The following PDE3A variants were observed in gnomAD, a reference collection of about 807,000 sequenced individuals.
The protein encoded by PDE3A is cGMP-inhibited 3',5'-cyclic phosphodiesterase 3A.
PDE3A carries 43 observed loss-of-function variants against 98.3 expected under a neutral mutation model. The ratio of observed to expected loss-of-function variants is 0.44; its 90% confidence interval spans 0.34 to 0.56. The LOEUF (loss-of-function observed/expected upper bound fraction) is 0.56. PDE3A is among the 20% of genes least tolerant of loss of function. The pLI, the probability that PDE3A is intolerant of heterozygous loss-of-function variation, is 0.01. For synonymous variants in PDE3A, 663 were observed against 567.9 expected (o/e 1.17, Z -2.38); for missense variants, 1,427 against 1,440.7 (o/e 0.99, Z 0.15).
chr12:20,511,345 A>C (rs1006239787), intron 1 of PDE3A, among the ~76,000 whole-genome samples: 3 of 151,912 alleles, frequency 2.0e-5, no homozygotes, highest in African/African-American at 7.3e-5. Context: ...GGCTTAATCT[A>C]GGGCTGGTTC....
Position 20,429,246 on chromosome 12 carries a change from A to G in PDE3A, c.960+59002A>G, listed in dbSNP as rs533756563. Among the ~76,000 whole-genome samples the G allele has an allele frequency of 6.7e-4, 102 of 152,316 alleles. 1 individual carries two copies. Among genetic ancestry groups the G allele is most frequent in the South Asian group, 6.2e-3 (30 of 4,828 alleles). The stretch of plus-strand genomic sequence containing the variant: ...CCTCAATCCTGTAAAGTTGACATCT[A>G]CAATTAAGCCCATACGTTCTAGTGA... On this transcript the variant is annotated intron_variant, in intron 1 of 15. Transcript: ENST00000359062.
rs539055758 is a variant in PDE3A at position 20,611,075 on chromosome 12, G to A, written c.1012-2368G>A. On this transcript the variant is annotated intron_variant, in intron 2 of 15. Coordinates refer to ENST00000359062, the MANE Select transcript of PDE3A (RefSeq NM_000921.5). ...TTGTCACAAAAATACTATGCAAGACGCTAGATAATGTTAACCTGTCTCACT... is the reference window on the plus strand; with the variant it reads ...TTGTCACAAAAATACTATGCAAGACACTAGATAATGTTAACCTGTCTCACT... Among the ~76,000 whole-genome samples the A allele has an allele frequency of 3.9e-5, 6 of 151,934 alleles. No individual in the cohort carries two copies. In the South Asian group the frequency reaches 8.3e-4, roughly 21 times the overall value.
intron 1 of PDE3A, among the ~76,000 whole-genome samples, chr12:20,390,901 C>G (rs769101237): frequency 3.5e-4 from 53 of 151,984 alleles, no homozygotes; most frequent in Middle Eastern, 6.8e-3. Context: ...GACTATCACC[C>G]TATTTAAGAT....
chr12:20,437,532 A>C lies in PDE3A; in HGVS notation c.960+67288A>C, dbSNP rs1944798132. ...CTGCTCAGCTTCTGGGGAGGCCTCC[A>C]GGAGTTTTTACTCATGGCAGAAGGG... On this transcript the variant is annotated intron_variant, in intron 1 of 15. Transcript: ENST00000359062. Among the ~76,000 whole-genome samples, 4 of 152,302 alleles carry C rather than the reference A, an allele frequency of 2.6e-5. No individual in the cohort carries two copies. In the South Asian group the frequency reaches 8.3e-4, roughly 32 times the overall value.
chr12:20,613,614 G>A lies in PDE3A; in HGVS notation c.1183G>A (p.Val395Met), dbSNP rs1943923680. Reference protein sequence around the residue: ...LTFQAIHKPRVNPVTSLSENY... With the variant: ...LTFQAIHKPRMNPVTSLSENY... The stretch of plus-strand genomic sequence containing the variant: ...CTTCCAGGCCATTCACAAGCCCAGA[G>A]TGAATCCCGTCACTTCGCTCAGTGA... The change falls in exon 3 of 16, where the codon GTG (valine) becomes ATG (methionine). Residue 395 changes from valine to methionine, a missense_variant. Physicochemically the swap from Val to Met is conservative, Grantham distance 21 (BLOSUM62 1). Around this residue, in one of 3 missense-constraint regions of PDE3A, gnomAD observed 1,012 missense variants for 886.5 expected, o/e 1.14. Coordinates refer to ENST00000359062, the MANE Select transcript of PDE3A (RefSeq NM_000921.5). 2 of 1,613,778 alleles carry A rather than the reference G, an allele frequency of 1.2e-6. No homozygotes were observed. Among genetic ancestry groups the A allele is most frequent in the Non-Finnish European group, 1.7e-6 (2 of 1,179,790 alleles).
At chr12:20,515,647 A>T (rs1946305866) in intron 1 of PDE3A, among the ~76,000 whole-genome samples, 1 of 152,192 alleles carries the variant, frequency 6.6e-6, no homozygotes, top group African/African-American at 2.4e-5. Flanking sequence ...CAGAAATCCG[A>T]AGCAGACTAG....
intron 1 of PDE3A, among the ~76,000 whole-genome samples, chr12:20,551,172 T>C (rs1942187951): frequency 6.6e-6 from 1 of 152,026 alleles, no homozygotes; most frequent in African/African-American, 2.4e-5. Flanking sequence ...TTACTTCCAA[T>C]AAAGTTAAAT....
At chr12:20,410,413 C>T (rs1241510249) in intron 1 of PDE3A, among the ~76,000 whole-genome samples, 3 of 152,148 alleles carry the variant, frequency 2.0e-5, no homozygotes, top group African/African-American at 7.2e-5. Flanking sequence ...GAAAATGAAA[C>T]ATAATTTCTG....
At position 20,369,212 on chromosome 12, in the gene PDE3A, C is replaced by T. The variant is rs551382133; in HGVS notation, c.-73C>T. On this transcript the variant is annotated 5_prime_UTR_variant, in exon 1 of 16. Transcript: ENST00000359062. ...GTGCGTGTGTGTGTGTGTGTGTGTG[C>T]GCGCGCGCGCGTGGGTCGGGGCGGG... is the stretch of plus-strand genomic sequence containing the variant. 0.02 allele frequency: 11,890 copies of T among 592,106 alleles called. 30 individuals are homozygous for T. The highest frequency in any genetic ancestry group is 0.024 in the Non-Finnish European group (9,497 of 396,408). 36.7% of individuals were successfully genotyped at this position (592,106 alleles called of 1,614,324 possible). A position where few individuals can be genotyped will look rare whatever the true frequency, so the allele number is the denominator to read the frequency against.
chr12:20,405,413 T>C (rs1406898862), intron 1 of PDE3A, among the ~76,000 whole-genome samples: 3 of 152,124 alleles, frequency 2.0e-5, no homozygotes, highest in Non-Finnish European at 4.4e-5. Context: ...TCATCTTTCA[T>C]TCCCCATTTC....
chr12:20,601,596 CTAATA>C (rs1046496431), intron 2 of PDE3A, among the ~76,000 whole-genome samples: 2 of 152,114 alleles, frequency 1.3e-5, no homozygotes, highest in Non-Finnish European at 2.9e-5. Context: ...AGTCACGTTT[CTAATA>C]TGTCTTATAA....
intron 1 of PDE3A, among the ~76,000 whole-genome samples, chr12:20,414,831 T>G (rs1032878261): frequency 3.3e-5 from 5 of 152,158 alleles, no homozygotes; most frequent in African/African-American, 1.2e-4. Flanking sequence ...TTTCTCATGG[T>G]GTAAACTGAG....
At chr12:20,471,942 C>A (rs191913287) in intron 1 of PDE3A, among the ~76,000 whole-genome samples, 1 of 152,068 alleles carries the variant, frequency 6.6e-6, no homozygotes, top group Non-Finnish European at 1.5e-5. Context: ...GGCATTGACG[C>A]GATTGGTCAG....
intron 1 of PDE3A, among the ~76,000 whole-genome samples, chr12:20,374,800 C>T (rs1349874287): frequency 1.3e-5 from 2 of 151,970 alleles, no homozygotes; most frequent in African/African-American, 2.4e-5. Context: ...TCAATGTTGA[C>T]TTCATTGAAA....
chr12:20,505,313 A>G (rs545408572), intron 1 of PDE3A, among the ~76,000 whole-genome samples: 43 of 152,136 alleles, frequency 2.8e-4, no homozygotes, highest in African/African-American at 9.2e-4. Context: ...TAACTTTGCA[A>G]TCTCTTATGA....
chr12:20,624,867 G>A (rs1944223138), intron 5 of PDE3A, among the ~76,000 whole-genome samples: 1 of 152,172 alleles, frequency 6.6e-6, no homozygotes, highest in African/African-American at 2.4e-5. Context: ...GCAGTTGACT[G>A]TGATGCATCC....
At chr12:20,600,204 A>G (rs1393589665) in intron 2 of PDE3A, among the ~76,000 whole-genome samples, 1 of 152,212 alleles carries the variant, frequency 6.6e-6, no homozygotes, top group Non-Finnish European at 1.5e-5. Context: ...GCCCAAATGT[A>G]TATTTCCAGT....
Position 20,629,873 on chromosome 12 carries a change from A to G in PDE3A, c.1541-35A>G, listed in dbSNP as rs746901382. The G allele has an allele frequency of 2.0e-6, 3 of 1,516,388 alleles. No homozygotes were observed. In the African/African-American group the frequency reaches 4.1e-5, roughly 21 times the overall value. The allele number at this position is 1,516,388 out of a possible 1,614,324, so 93.9% of individuals were successfully genotyped here. A position where few individuals can be genotyped will look rare whatever the true frequency, so the allele number is the denominator to read the frequency against. ...AGTTGCAATTTTGCATTTTAAAGAC[A>G]TTTGTTTAGTTACTTAACTCTCATT... On this transcript the variant is annotated intron_variant, in intron 5 of 15. Transcript: ENST00000359062.
intron 12 of PDE3A, among the ~76,000 whole-genome samples, chr12:20,647,578 C>T (rs941493617): frequency 1.3e-5 from 2 of 152,032 alleles, no homozygotes; most frequent in Non-Finnish European, 2.9e-5. Context: ...ATTTAATTAG[C>T]TGAACCCAAG....
Sources: gnomAD v4.1 joint callset for allele counts (sites outside exome capture counted in the v4.1 genomes callset) on GRCh38, gnomAD v4.1.1 for gene constraint, gnomAD v4.1.1 regional missense constraint, MANE v1.5 for transcripts, NCBI Gene and HGNC (gene_info 2026-07-23, HGNC 2026-07-21) for gene names.